Variants in PCDHA6 observed in about 807,000 individuals in gnomAD.
The protein encoded by PCDHA6 is protocadherin alpha 6.
A neutral mutation model predicts 60.3 loss-of-function variants in PCDHA6; 55 were observed. The observed-to-expected ratio is 0.91, with a 90% CI of 0.73 to 1.14. The LOEUF is 1.14. Among genes scored for constraint, PCDHA6 ranks in the 50% most tolerant of loss-of-function variants. The pLI is 0.00. For synonymous variants in PCDHA6, 652 were observed against 557.9 expected, an observed-to-expected ratio of 1.17 and a Z score of -2.38; for missense variants, 1,327 against 1,256.5, an observed-to-expected ratio of 1.06 and a Z score of -0.85.
chr5:140,990,822 C>G (rs1273714328), intron 3 of PCDHA6, among the ~76,000 whole-genome samples: 1 of 152,204 alleles, frequency 6.6e-6, no homozygotes. Flanking sequence ...CTTCTCTCAG[C>G]TAAAGCCTAT....
intron 1 of PCDHA6, chr5:140,868,845 A>G (rs1242434681): frequency 6.7e-6 from 3 of 451,106 alleles, no homozygotes; most frequent in Non-Finnish European, 7.5e-6. Flanking sequence ...AACACGTGAA[A>G]TTCTGTGGTG....
At chr5:140,880,042 G>A (rs530262393) in intron 1 of PCDHA6, among the ~76,000 whole-genome samples, 3 of 152,208 alleles carry the variant, frequency 2.0e-5, no homozygotes, top group Non-Finnish European at 4.4e-5. Flanking sequence ...CAGGGATTAA[G>A]ATGTGGGCAT....
At position 140,857,673 on chromosome 5, in the gene PCDHA6, C is replaced by G. The variant is rs372854727; in HGVS notation, c.2394+27188C>G. On this transcript the variant is annotated intron_variant, in intron 1 of 3. Transcript: ENST00000529310. The stretch of plus-strand genomic sequence containing the variant: ...GTGAGCGCGCGCGATGGGGGCGTGC[C>G]GCCTCTGGGCAGCAACTTGACGCTG... 6.3e-7 allele frequency: 1 copy of G among 1,596,942 alleles called. No homozygotes were observed. Among genetic ancestry groups the G allele is most frequent in the Non-Finnish European group, 8.6e-7 (1 of 1,167,760 alleles).
At chr5:140,843,925 C>A in intron 1 of PCDHA6, 1 of 594,474 alleles carries the variant, frequency 1.7e-6, no homozygotes, top group Non-Finnish European at 2.9e-6. Flanking sequence ...TCTTGAAACT[C>A]AAGTTATGGT....
At chr5:140,927,243 C>A in intron 1 of PCDHA6, 1 of 1,614,132 alleles carries the variant, frequency 6.2e-7, no homozygotes. Flanking sequence ...TCCTGGACAC[C>A]AATGACAACT....
chr5:141,000,387 C>CTA (rs2097910380), intron 3 of PCDHA6, among the ~76,000 whole-genome samples: 5 of 66,898 alleles, frequency 7.5e-5, no homozygotes, highest in Non-Finnish European at 1.1e-4. Context: ...CTCTCTCTCT[C>CTA]TCTCTCTCTA....
intron 1 of PCDHA6, among the ~76,000 whole-genome samples, chr5:140,879,652 TAACA>T (rs2058069934): frequency 6.6e-6 from 1 of 152,226 alleles, no homozygotes; most frequent in African/African-American, 2.4e-5. Context: ...GTGGCTGCTA[TAACA>T]AACGAACACA....
At position 140,870,363 on chromosome 5, in the gene PCDHA6, T is replaced by C. The variant is rs782093088; in HGVS notation, c.2394+39878T>C. 1.9e-6 allele frequency: 3 copies of C among 1,614,206 alleles called. No homozygotes were observed. The South Asian group carries it at 3.3e-5, about 18-fold the overall frequency. On this transcript the variant is annotated intron_variant, in intron 1 of 3. Transcript: ENST00000529310. ...TGGACCGCGAGAACGTGTGGGCCTA[T>C]GAACTGGTGGTGACTGCGCGGGATG...
chr5:140,833,532 G>C (rs2150209285), intron 1 of PCDHA6, among the ~76,000 whole-genome samples: 1 of 152,154 alleles, frequency 6.6e-6, no homozygotes, highest in Non-Finnish European at 1.5e-5. Context: ...ACACACAAGT[G>C]TTCGAAAGGA....
chr5:140,969,148 G>T, intron 1 of PCDHA6: 1 of 1,614,102 alleles, frequency 6.2e-7, no homozygotes. Flanking sequence ...ACTGCTACAA[G>T]GCCTGTCTGA....
At position 140,870,884 on chromosome 5, in the gene PCDHA6, G is replaced by T. The variant is rs376620715; in HGVS notation, c.2394+40399G>T. On this transcript the variant is annotated intron_variant, in intron 1 of 3. Coordinates refer to ENST00000529310, the MANE Select transcript of PCDHA6 (RefSeq NM_018909.4). ...GCGGGCCACGTGGTGGCGAAGGTGC[G>T]CGCAGTGGATGCGGACTCAGGCTAC... is the stretch of plus-strand genomic sequence containing the variant. The T allele has an allele frequency of 9.3e-6, 15 of 1,613,948 alleles. No individual in the cohort carries two copies. In the African/African-American group the frequency reaches 1.7e-4, roughly 19 times the overall value.
chr5:141,001,114 A>G (rs1456437716), intron 3 of PCDHA6, among the ~76,000 whole-genome samples: 4 of 152,062 alleles, frequency 2.6e-5, no homozygotes, highest in Non-Finnish European at 4.4e-5. Flanking sequence ...TAAGCAATCA[A>G]TAGTCCTTAA....
At chr5:140,941,202 C>CTTTTCTTTCTTCCTTTCTTT (rs1554213921) in intron 1 of PCDHA6, among the ~76,000 whole-genome samples, 1 of 122,742 alleles carries the variant, frequency 8.1e-6, no homozygotes, top group Non-Finnish European at 1.8e-5. Flanking sequence ...TTTCTTTCTT[C>CTTTTCTTTCTTCCTTTCTTT]CTTTCTTTCT....
chr5:140,897,548 A>G (rs1417180451), intron 1 of PCDHA6, among the ~76,000 whole-genome samples: 6 of 152,098 alleles, frequency 3.9e-5, no homozygotes, highest in Admixed American at 2.6e-4. Context: ...ATAGTCTTCC[A>G]TGGTGTATAT....
chr5:140,979,186 C>T, intron 2 of PCDHA6, 179 bp downstream of exon 2: 2 of 914,118 alleles, frequency 2.2e-6, no homozygotes, highest in Non-Finnish European at 2.6e-6. Context: ...ATGGTCAGTG[C>T]CAGATGCTTA....
rs2098422979 is a variant in PCDHA6, at chr5:141,012,116, T to C, written c.*2179T>C. The C allele has an allele frequency of 6.5e-6, 1 of 153,756 alleles. No individual in the cohort carries two copies. Among genetic ancestry groups the C allele is most frequent in the African/African-American group, 2.4e-5 (1 of 41,464 alleles). The allele number at this position is 153,756 out of a possible 1,614,324, so 9.5% of individuals were successfully genotyped here. ...GATCATTTTGCCCCACTGAAGCCCA[T>C]GTATCTGACCTTACGTGCCTTTTGA... On this transcript the variant is annotated 3_prime_UTR_variant, in exon 4 of 4. Coordinates refer to ENST00000529310, the MANE Select transcript of PCDHA6 (RefSeq NM_018909.4).
intron 1 of PCDHA6, chr5:140,852,656 G>C (rs2042430108): frequency 1.0e-6 from 1 of 961,570 alleles, no homozygotes; most frequent in African/African-American, 1.8e-5. Context: ...ATCTATATCT[G>C]TCTATCAGCA....
At chr5:140,882,143 C>T in intron 1 of PCDHA6, 1 of 1,494,048 alleles carries the variant, frequency 6.7e-7, no homozygotes, top group Non-Finnish European at 8.9e-7. Context: ...GAAAATATAG[C>T]AGAAAGCGGA....
intron 1 of PCDHA6, among the ~76,000 whole-genome samples, chr5:140,833,634 A>G (rs2150122696): frequency 6.6e-6 from 1 of 152,310 alleles, no homozygotes; most frequent in African/African-American, 2.4e-5. Flanking sequence ...TTCCTCCTCA[A>G]AAAGTTCACA....
Sources: allele counts gnomAD v4.1 joint callset (sites outside exome capture counted in the v4.1 genomes callset), GRCh38; gene constraint gnomAD v4.1.1; transcripts MANE v1.5; gene names NCBI Gene and HGNC (gene_info 2026-07-23, HGNC 2026-07-21).